Variants in TMEM132B observed in about 807,000 individuals in gnomAD.
TMEM132B encodes transmembrane protein 132B.
Under a neutral mutation model 90.8 loss-of-function variants are expected in TMEM132B, and 18 were observed. The observed-to-expected ratio is 0.20, with a 90% CI of 0.14 to 0.29. The LOEUF is 0.29. Ranked by LOEUF, TMEM132B falls within the 10% of genes least tolerant of loss-of-function variation. The pLI is 1.00. For missense variants in TMEM132B, 1,096 were observed against 1,326.8 expected (o/e 0.83, Z 2.70); for synonymous variants, 504 against 523.3 (o/e 0.96, Z 0.50).
chr12:125,444,095 A>G (rs761193667), intron 3 of TMEM132B, among the ~76,000 whole-genome samples: 2 of 152,202 alleles, frequency 1.3e-5, no homozygotes, highest in Non-Finnish European at 2.9e-5. Flanking sequence ...TTGCTCTCAT[A>G]TACATACAAA....
intron 1 of TMEM132B, among the ~76,000 whole-genome samples, chr12:125,306,668 C>T (rs1875977055): frequency 6.6e-6 from 1 of 152,232 alleles, no homozygotes; most frequent in African/African-American, 2.4e-5. Flanking sequence ...TGCTCCCAGC[C>T]ATTATTGTTG....
intron 1 of TMEM132B, among the ~76,000 whole-genome samples, chr12:125,254,567 G>A (rs1874390231): frequency 6.6e-6 from 1 of 152,086 alleles, no homozygotes; most frequent in Non-Finnish European, 1.5e-5. Flanking sequence ...AAGACCCTGC[G>A]AGATTGCCTG....
chr12:125,638,658 G>A (rs971294751), intron 5 of TMEM132B, among the ~76,000 whole-genome samples: 1 of 152,126 alleles, frequency 6.6e-6, no homozygotes, highest in Middle Eastern at 3.4e-3. Context: ...GAGGGGTCGT[G>A]AGGGAAGCCC....
intron 1 of TMEM132B, among the ~76,000 whole-genome samples, chr12:125,304,010 A>G (rs975724902): frequency 6.6e-6 from 1 of 152,216 alleles, no homozygotes; most frequent in Non-Finnish European, 1.5e-5. Flanking sequence ...GTTTCATGGA[A>G]GATAATTTTT....
In TMEM132B at chr12:125,407,633, G is replaced by A. The variant is rs950678732; in HGVS notation, c.960-7898G>A. 6.6e-6 allele frequency among the ~76,000 whole-genome samples: 1 copy of A among 152,172 alleles called. No individual in the cohort carries two copies. Among genetic ancestry groups the A allele is most frequent in the African/African-American group, 2.4e-5 (1 of 41,438 alleles). ...GTCCAACCAGGAGGGATGCTCATCTGGACTCAGACTCTTTCCAGCATCCAG... is the reference window on the plus strand; with the variant it reads ...GTCCAACCAGGAGGGATGCTCATCTAGACTCAGACTCTTTCCAGCATCCAG... On this transcript the variant is annotated intron_variant, in intron 2 of 8. Coordinates refer to ENST00000682704, the MANE Select transcript of TMEM132B (RefSeq NM_001366854.1). This position sits in a 1 kb window ranked among gnomAD's most constrained non-coding sequence, Gnocchi z 6.7.
chr12:125,243,032 T>TATATATATATATATATACAC (rs1215676534), intron 1 of TMEM132B, among the ~76,000 whole-genome samples: 135 of 134,980 alleles, frequency 1.0e-3, no homozygotes, highest in Middle Eastern at 4.0e-3. Context: ...TATATATATA[T>TATATATATATATATATACAC]ACACACACAC....
chr12:125,387,980 C>T (rs1423451933), intron 2 of TMEM132B, among the ~76,000 whole-genome samples: 1 of 152,132 alleles, frequency 6.6e-6, no homozygotes. Flanking sequence ...ACAATCTGCT[C>T]TTCTGTCTAT....
At chr12:125,564,376 G>A (rs528152634) in intron 4 of TMEM132B, among the ~76,000 whole-genome samples, 31 of 152,186 alleles carry the variant, frequency 2.0e-4, no homozygotes, top group African/African-American at 7.2e-4. Flanking sequence ...ATAGAGAATA[G>A]GATGTAATTT....
At position 125,388,910 on chromosome 12, in the gene TMEM132B, T is replaced by C. The variant is rs142723312; in HGVS notation, c.960-26621T>C. 4.1e-4 allele frequency among the ~76,000 whole-genome samples: 62 copies of C among 152,292 alleles called. 2 individuals are homozygous for C. The East Asian group carries it at 0.012, about 28-fold the overall frequency. On this transcript the variant is annotated intron_variant, in intron 2 of 8. Transcript: ENST00000682704. Reference sequence around the variant, plus strand: ...CTCAAACTACAAAAGCAATTCCTACTAGTTACAAGGCAACAACACAGGAAT... The same window carrying C: ...CTCAAACTACAAAAGCAATTCCTACCAGTTACAAGGCAACAACACAGGAAT...
intron 1 of TMEM132B, among the ~76,000 whole-genome samples, chr12:125,214,651 G>T (rs1026415521): frequency 6.6e-6 from 1 of 152,212 alleles, no homozygotes; most frequent in Non-Finnish European, 1.5e-5. Context: ...CTGCTGTCAG[G>T]CCCAAACAAC....
intron 1 of TMEM132B, among the ~76,000 whole-genome samples, chr12:125,317,255 C>T (rs1037532928): frequency 2.6e-5 from 4 of 152,128 alleles, no homozygotes; most frequent in Admixed American, 6.5e-5. Context: ...ATACTCAAAG[C>T]GATTGGAAGC....
intron 5 of TMEM132B, among the ~76,000 whole-genome samples, chr12:125,611,545 T>A (rs1885826903): frequency 6.6e-6 from 1 of 152,090 alleles, no homozygotes; most frequent in Non-Finnish European, 1.5e-5. Context: ...ACTACTTATA[T>A]TCTTACTGTT....
intron 3 of TMEM132B, among the ~76,000 whole-genome samples, chr12:125,416,196 G>T (rs1465847304): frequency 6.6e-5 from 10 of 152,200 alleles, no homozygotes; most frequent in Admixed American, 3.3e-4. Context: ...AGAGAGAGGT[G>T]ATCACGTGTC....
chr12:125,271,359 C>T (rs1417480452), intron 1 of TMEM132B, among the ~76,000 whole-genome samples: 1 of 152,174 alleles, frequency 6.6e-6, no homozygotes, highest in Non-Finnish European at 1.5e-5. Context: ...ATCTTCATTC[C>T]ATTCATTATG....
intron 1 of TMEM132B, among the ~76,000 whole-genome samples, chr12:125,315,983 C>T (rs141550931): frequency 4.0e-4 from 61 of 152,118 alleles, no homozygotes; most frequent in Non-Finnish European, 7.9e-4. Context: ...GCATCCCCCC[C>T]TCACCTGGCT....
intron 1 of TMEM132B, among the ~76,000 whole-genome samples, chr12:125,279,306 G>A (rs765781928): frequency 2.0e-5 from 3 of 152,206 alleles, no homozygotes; most frequent in Admixed American, 6.5e-5. Flanking sequence ...CCCTAGAAAG[G>A]CCTGCTTACA....
intron 4 of TMEM132B, among the ~76,000 whole-genome samples, chr12:125,555,098 G>A (rs569406573): frequency 3.9e-5 from 6 of 152,300 alleles, no homozygotes; most frequent in East Asian, 1.9e-4. Context: ...GTAGTGATTC[G>A]TGGGCTGAAG....
At chr12:125,218,684 T>C (rs57088638) in intron 1 of TMEM132B, among the ~76,000 whole-genome samples, 2,959 of 151,642 alleles carry the variant, frequency 0.02, 103 homozygotes, top group African/African-American at 0.066. Flanking sequence ...ACCATGAACT[T>C]GAGGCTGATA....
Position 125,411,156 on chromosome 12 carries a change from G to GT in TMEM132B, c.960-4375_960-4374insT, listed in dbSNP as rs1415987130. 2.0e-4 allele frequency among the ~76,000 whole-genome samples: 16 copies of GT among 79,952 alleles called. 1 individual carries two copies. Among genetic ancestry groups the GT allele is most frequent in the Admixed American group, 7.8e-4 (7 of 8,918 alleles). 52.5% of individuals were successfully genotyped at this position (79,952 alleles called of 152,430 possible). ...AGTGGAGTGGAGTGAGTGGAGTGGAGGAGTGGAGTGGAGTGGAGTGGAGTG... is the reference window on the plus strand; with the variant it reads ...AGTGGAGTGGAGTGAGTGGAGTGGAGTGAGTGGAGTGGAGTGGAGTGGAGTG... On this transcript the variant is annotated intron_variant, in intron 2 of 8. Coordinates refer to ENST00000682704, the MANE Select transcript of TMEM132B (RefSeq NM_001366854.1).
Sources: gnomAD v4.1 joint callset for allele counts (sites outside exome capture counted in the v4.1 genomes callset) on GRCh38, gnomAD v4.1.1 for gene constraint, Gnocchi (gnomAD v3.1) non-coding constraint, MANE v1.5 for transcripts, NCBI Gene and HGNC (gene_info 2026-07-23, HGNC 2026-07-21) for gene names.